Variants in ADCY2 observed in about 807,000 individuals in gnomAD.
The protein encoded by ADCY2 is adenylate cyclase type 2.
Under a neutral mutation model 125.2 loss-of-function variants are expected in ADCY2, and 31 were observed. The observed-to-expected ratio is 0.25, with a 90% confidence interval of 0.19 to 0.33. The LOEUF is 0.33. Among genes scored for constraint, ADCY2 ranks in the 10% least tolerant of loss-of-function variants. The pLI, the probability that ADCY2 is intolerant of heterozygous loss-of-function variation, is 1.00. For missense variants in ADCY2, 904 were observed against 1,418.2 expected (o/e 0.64, Z 5.82); for synonymous variants, 512 against 548.4 (o/e 0.93, Z 0.93).
chr5:7,663,285 C>A (rs541832262), intron 4 of ADCY2, among the ~76,000 whole-genome samples: 1 of 152,362 alleles, frequency 6.6e-6, no homozygotes, highest in East Asian at 1.9e-4. Context: ...CCCAGGCACT[C>A]CACATAAAGC....
At chr5:7,443,744 T>G (rs1215328516) in intron 2 of ADCY2, among the ~76,000 whole-genome samples, 1 of 150,918 alleles carries the variant, frequency 6.6e-6, no homozygotes, top group Non-Finnish European at 1.5e-5. Context: ...ACACTAATAC[T>G]ATGACCACTG....
intron 15 of ADCY2, among the ~76,000 whole-genome samples, chr5:7,748,926 A>T (rs556273474): frequency 3.3e-5 from 5 of 152,294 alleles, no homozygotes; most frequent in Admixed American, 1.3e-4. Context: ...GTATATAGCA[A>T]GTAGGTGTTG....
chr5:7,820,840 G>C, intron 24 of ADCY2, 151 bp downstream of exon 24: 1 of 1,057,484 alleles, frequency 9.5e-7, no homozygotes, highest in East Asian at 2.9e-5. Flanking sequence ...AATTTTTGGG[G>C]AAATGTCAGT....
intron 3 of ADCY2, among the ~76,000 whole-genome samples, chr5:7,523,403 C>A (rs1375704296): frequency 2.7e-5 from 4 of 150,688 alleles, no homozygotes; most frequent in Non-Finnish European, 4.4e-5. Context: ...TACATCTTAT[C>A]AGCAAACAGC....
chr5:7,403,937 TACACACACACAC>T (rs370540720), intron 1 of ADCY2, among the ~76,000 whole-genome samples: 9 of 140,450 alleles, frequency 6.4e-5, no homozygotes, highest in East Asian at 2.1e-4. Flanking sequence ...CTTTCAATGC[TACACACACACAC>T]ACACACACAC....
At chr5:7,814,047 A>G (rs538271167) in intron 22 of ADCY2, among the ~76,000 whole-genome samples, 5 of 152,250 alleles carry the variant, frequency 3.3e-5, no homozygotes, top group Admixed American at 2.0e-4. Flanking sequence ...CTAGTGAGCT[A>G]TGATAGAAAA....
intron 2 of ADCY2, among the ~76,000 whole-genome samples, chr5:7,415,037 A>G (rs755629280): frequency 1.3e-5 from 2 of 152,090 alleles, no homozygotes; most frequent in Non-Finnish European, 2.9e-5. Flanking sequence ...GTGTATGTGT[A>G]TGTATATGTG....
intron 2 of ADCY2, among the ~76,000 whole-genome samples, chr5:7,510,290 G>A (rs1297849616): frequency 6.6e-6 from 1 of 152,232 alleles, no homozygotes; most frequent in Non-Finnish European, 1.5e-5. Flanking sequence ...TTTATTTAGC[G>A]CCAGACTTTG....
intron 1 of ADCY2, among the ~76,000 whole-genome samples, chr5:7,399,713 A>T (rs1362347144): frequency 6.6e-6 from 1 of 152,224 alleles, no homozygotes; most frequent in Non-Finnish European, 1.5e-5. Context: ...TATGAGTAAT[A>T]GTTTCTGCTG....
At chr5:7,435,769 G>C (rs1404646762) in intron 2 of ADCY2, among the ~76,000 whole-genome samples, 1 of 152,200 alleles carries the variant, frequency 6.6e-6, no homozygotes, top group Non-Finnish European at 1.5e-5. Context: ...TACTCACGAT[G>C]CTGGGATGTT....
intron 1 of ADCY2, among the ~76,000 whole-genome samples, chr5:7,413,866 G>A (rs1350091823): frequency 3.3e-5 from 5 of 152,152 alleles, no homozygotes; most frequent in African/African-American, 9.7e-5. Context: ...AAAAAAAATT[G>A]TGTGTCAAAA....
chr5:7,644,864 A>G (rs1180539946), intron 4 of ADCY2, among the ~76,000 whole-genome samples: 1 of 152,158 alleles, frequency 6.6e-6, no homozygotes, highest in Admixed American at 6.5e-5. Context: ...AATTCTTGCC[A>G]TACAGTAGTA....
chr5:7,569,193 C>T (rs1200958291), intron 3 of ADCY2, among the ~76,000 whole-genome samples: 4 of 152,116 alleles, frequency 2.6e-5, no homozygotes, highest in Non-Finnish European at 4.4e-5. Context: ...AAGAACTTTT[C>T]AACACCTAAG....
intron 1 of ADCY2, among the ~76,000 whole-genome samples, chr5:7,409,301 G>A (rs1739623718): frequency 6.6e-6 from 1 of 152,234 alleles, no homozygotes; most frequent in Non-Finnish European, 1.5e-5. Context: ...TAATACCTGG[G>A]TGATGAAATA....
chr5:7,783,266 G>A (rs964493616), intron 18 of ADCY2, among the ~76,000 whole-genome samples: 4 of 152,074 alleles, frequency 2.6e-5, no homozygotes, highest in Non-Finnish European at 4.4e-5. Flanking sequence ...AAAATCACAA[G>A]TATCATTTGG....
Position 7,709,736 on chromosome 5 carries a change from A to T in ADCY2, c.1578+349A>T, listed in dbSNP as rs1159047447. Among the ~76,000 whole-genome samples, 1 of 152,222 alleles carries T rather than the reference A, an allele frequency of 6.6e-6. No homozygotes were observed. Among genetic ancestry groups the T allele is most frequent in the Non-Finnish European group, 1.5e-5 (1 of 68,036 alleles). ...AAGCCTTGAGGTTCTTAATAAAAAG[A>T]CAAAGGCATGATGCCCTTGGAGTTT... On this transcript the variant is annotated intron_variant, in intron 10 of 24. Coordinates refer to ENST00000338316, the MANE Select transcript of ADCY2 (RefSeq NM_020546.3). The surrounding 1 kb of genome is among the most constrained non-coding windows in gnomAD (Gnocchi z 4.4).
Position 7,706,777 on chromosome 5 carries a change from C to T in ADCY2, c.1143C>T (p.Asn381=). The T allele has an allele frequency of 3.7e-6, 6 of 1,614,248 alleles. No individual in the cohort carries two copies. The highest frequency in any genetic ancestry group is 5.1e-6 in the Non-Finnish European group (6 of 1,180,040). ...KVRDATGVDI[N]MRVGVHSGNV... The stretch of plus-strand genomic sequence containing the variant: ...GGGATGCTACTGGAGTTGATATCAA[C>T]ATGCGCGTGGGCGTGCATTCTGGGA... Residue 381 remains asparagine, a synonymous_variant, in exon 8 of 25, where the codon AAC becomes AAT. Coordinates refer to ENST00000338316, the MANE Select transcript of ADCY2 (RefSeq NM_020546.3).
chr5:7,576,481 C>A (rs1736255479), intron 3 of ADCY2, among the ~76,000 whole-genome samples: 1 of 152,136 alleles, frequency 6.6e-6, no homozygotes, highest in Admixed American at 6.5e-5. Context: ...CAGGCTTATA[C>A]AAACTAAGGC....
chr5:7,558,458 A>G (rs1735605055), intron 3 of ADCY2, among the ~76,000 whole-genome samples: 1 of 152,108 alleles, frequency 6.6e-6, no homozygotes, highest in Non-Finnish European at 1.5e-5. Context: ...TTTTTATTAT[A>G]TGATTGTTGG....
Sources: gnomAD v4.1 joint callset for allele counts (sites outside exome capture counted in the v4.1 genomes callset) on GRCh38, gnomAD v4.1.1 for gene constraint, Gnocchi (gnomAD v3.1) non-coding constraint, MANE v1.5 for transcripts, NCBI Gene and HGNC (gene_info 2026-07-23, HGNC 2026-07-21) for gene names.